ATP6V1A: variants seen among roughly 807,000 people sequenced by gnomAD.
ATP6V1A encodes V-type proton ATPase catalytic subunit A.
A neutral mutation model predicts 70.1 loss-of-function variants in ATP6V1A; 18 were observed. The ratio of observed to expected loss-of-function variants is 0.26; its 90% CI spans 0.18 to 0.38. The LOEUF is 0.38. Among genes scored for constraint, ATP6V1A ranks in the 10% least tolerant of loss-of-function variants. ATP6V1A has a pLI of 1.00. For synonymous variants in ATP6V1A, 232 were observed against 253.8 expected (o/e 0.91, Z 0.82); for missense variants, 424 against 772.4 (o/e 0.55, Z 5.35).
intron 11 of ATP6V1A, 29 bp downstream of exon 11, chr3:113,795,968 C>T: frequency 6.4e-7 from 1 of 1,564,440 alleles, no homozygotes; most frequent in African/African-American, 1.4e-5. Flanking sequence ...TAGTCAACTT[C>T]TGAGCCTTTC....
intron 1 of ATP6V1A, among the ~76,000 whole-genome samples, chr3:113,757,377 C>T (rs1708656762): frequency 6.6e-6 from 1 of 152,132 alleles, no homozygotes; most frequent in Admixed American, 6.6e-5. Flanking sequence ...TATAAAGCAA[C>T]AGAAAATAAC....
chr3:113,778,872 T>G, intron 2 of ATP6V1A, 37 bp downstream of exon 2: 2 of 1,284,246 alleles, frequency 1.6e-6, no homozygotes, highest in Non-Finnish European at 2.2e-6. Context: ...TAAGGATATC[T>G]AACTTTGATT....
chr3:113,798,369 G>A lies in ATP6V1A; in HGVS notation c.1417G>A (p.Val473Ile), dbSNP rs1419548528. The change falls in exon 12 of 15, where the codon GTT becomes ATT. Residue 473 changes from valine (V) to isoleucine (I), a missense_variant. Around this residue, in one of 9 missense-constraint regions of ATP6V1A, gnomAD observed 127 missense variants for 207.9 expected, o/e 0.61. Transcript: ENST00000273398. Reference protein sequence around the residue: ...EYYDKHFTEFVPLRTKAKEIL... With the variant: ...EYYDKHFTEFIPLRTKAKEIL... ...CTATGACAAACACTTCACAGAGTTCGTTCCTCTGAGGACGAAAGCTAAGGA... is the reference window on the plus strand; with the variant it reads ...CTATGACAAACACTTCACAGAGTTCATTCCTCTGAGGACGAAAGCTAAGGA... 15 of 1,613,764 alleles carry A rather than the reference G, an allele frequency of 9.3e-6. No homozygotes were observed. Among genetic ancestry groups the A allele is most frequent in the Admixed American group, 1.7e-5 (1 of 59,964 alleles).
chr3:113,767,564 A>G (rs1353426147), intron 1 of ATP6V1A, among the ~76,000 whole-genome samples: 2 of 152,128 alleles, frequency 1.3e-5, no homozygotes, highest in Non-Finnish European at 2.9e-5. Flanking sequence ...ATACATTGAT[A>G]TTGTGGAACT....
chr3:113,784,101 T>C, intron 3 of ATP6V1A, 123 bp from the exon 4 acceptor site: 1 of 857,356 alleles, frequency 1.2e-6, no homozygotes, highest in Non-Finnish European at 1.8e-6. Context: ...TCCTGTGAAC[T>C]GAGAAAGTTT....
At chr3:113,787,796 TAAATA>T (rs1466900605) in intron 6 of ATP6V1A, among the ~76,000 whole-genome samples, 1 of 152,250 alleles carries the variant, frequency 6.6e-6, no homozygotes, top group Non-Finnish European at 1.5e-5. Context: ...TGCACTGACC[TAAATA>T]AAATCAACTG....
intron 1 of ATP6V1A, among the ~76,000 whole-genome samples, chr3:113,775,505 T>C (rs141277068): frequency 1.7e-4 from 26 of 152,260 alleles, no homozygotes; most frequent in African/African-American, 5.5e-4. Flanking sequence ...GCTGGAATTA[T>C]GGGCATGAGC....
At chr3:113,789,280 T>C (rs1237774589) in intron 7 of ATP6V1A, among the ~76,000 whole-genome samples, 1 of 152,128 alleles carries the variant, frequency 6.6e-6, no homozygotes, top group Non-Finnish European at 1.5e-5. Context: ...ACTCCTGACC[T>C]CCAATAATCG....
At chr3:113,768,655 G>T (rs1173966344) in intron 1 of ATP6V1A, among the ~76,000 whole-genome samples, 1 of 149,736 alleles carries the variant, frequency 6.7e-6, no homozygotes, top group Admixed American at 6.7e-5. Flanking sequence ...GAGTGCAGTG[G>T]CGCAATCTCG....
At chr3:113,756,199 C>T (rs1044046836) in intron 1 of ATP6V1A, among the ~76,000 whole-genome samples, 1 of 152,178 alleles carries the variant, frequency 6.6e-6, no homozygotes, top group Admixed American at 6.6e-5. Flanking sequence ...GAGTCACTTT[C>T]CAGAGATTGC....
chr3:113,784,506 C>G (rs1709016427), intron 4 of ATP6V1A, 68 bp downstream of exon 4: 1 of 1,470,634 alleles, frequency 6.8e-7, no homozygotes, highest in East Asian at 2.3e-5. Context: ...TAGTAAACTA[C>G]ATTGTACTCT....
chr3:113,759,349 A>G (rs1456889224), intron 1 of ATP6V1A, among the ~76,000 whole-genome samples: 1 of 150,978 alleles, frequency 6.6e-6, no homozygotes, highest in East Asian at 1.9e-4. Context: ...TGAAAAGACA[A>G]TATGCTTTCT....
rs985275868 is a variant in ATP6V1A at position 113,809,570 on chromosome 3, GT to G, written c.*150del. ...GCCTATGTGTGTTATTTGTTTCCCT[GT>G]TTTTTTGGTAGGTCTTATATAAAAC... On this transcript the variant is annotated 3_prime_UTR_variant, in exon 15 of 15. Coordinates refer to ENST00000273398, the MANE Select transcript of ATP6V1A (RefSeq NM_001690.4). The G allele has an allele frequency of 7.7e-5, 52 of 676,694 alleles. No individual in the cohort carries two copies. The African/African-American group carries it at 8.3e-4, about 11-fold the overall frequency. The allele number at this position is 676,694 out of a possible 1,614,324, so 41.9% of individuals were successfully genotyped here.
intron 13 of ATP6V1A, 78 bp from the exon 14 acceptor site, chr3:113,805,276 C>T: frequency 7.4e-7 from 1 of 1,350,188 alleles, no homozygotes; most frequent in African/African-American, 1.5e-5. Context: ...GAAACTAATG[C>T]TCTAGTAGTT....
intron 5 of ATP6V1A, 108 bp from the exon 6 acceptor site, chr3:113,786,124 C>T: frequency 2.2e-6 from 2 of 914,278 alleles, no homozygotes; most frequent in South Asian, 3.2e-5. Flanking sequence ...TCCCTTTGCA[C>T]TTACATGTAT....
intron 8 of ATP6V1A, 111 bp from the exon 9 acceptor site, chr3:113,794,761 C>G (rs999369112): frequency 1.6e-6 from 2 of 1,261,298 alleles, no homozygotes; most frequent in Admixed American, 2.5e-5. Flanking sequence ...GAGGGAGCCA[C>G]TAGCAGTCTA....
chr3:113,758,317 A>G (rs184524794), intron 1 of ATP6V1A, among the ~76,000 whole-genome samples: 46 of 152,298 alleles, frequency 3.0e-4, no homozygotes, highest in Admixed American at 1.7e-3. Context: ...ATACAGTTGG[A>G]TAAGTTTTAA....
intron 1 of ATP6V1A, among the ~76,000 whole-genome samples, chr3:113,777,744 CTG>C (rs1708932555): frequency 1.3e-5 from 2 of 152,064 alleles, no homozygotes; most frequent in Admixed American, 1.3e-4. Context: ...CGGAGACAGA[CTG>C]TGTTAGAAAA....
At chr3:113,749,494 T>G (rs986749027) in intron 1 of ATP6V1A, among the ~76,000 whole-genome samples, 2 of 152,212 alleles carry the variant, frequency 1.3e-5, no homozygotes, top group South Asian at 4.1e-4. Context: ...TTTCAGTGCC[T>G]TTATAGATTT....
Sources: allele counts gnomAD v4.1 joint callset (sites outside exome capture counted in the v4.1 genomes callset), GRCh38; gene constraint gnomAD v4.1.1; regional missense constraint gnomAD v4.1.1; transcripts MANE v1.5; gene names NCBI Gene and HGNC (gene_info 2026-07-23, HGNC 2026-07-21).